The following MED12L variants were observed in gnomAD, a reference collection of about 807,000 sequenced individuals.
MED12L encodes the protein mediator of RNA polymerase II transcription subunit 12-like protein.
In MED12L, 60 loss-of-function variants were observed where a neutral mutation model predicts 281.3. The ratio of observed to expected loss-of-function variants is 0.21; its 90% CI spans 0.17 to 0.26. The LOEUF (loss-of-function observed/expected upper bound fraction) is 0.26, where lower values mean the gene tolerates loss of function less well. MED12L is among the 10% of genes least tolerant of loss of function. MED12L has a pLI of 1.00. For synonymous variants in MED12L, 974 were observed against 987.2 expected (o/e 0.99, Z 0.25); for missense variants, 2,146 against 2,680.9 (o/e 0.80, Z 4.41).
chr3:151,100,419 G>C (rs970103439), intron 2 of MED12L, among the ~76,000 whole-genome samples: 1 of 152,176 alleles, frequency 6.6e-6, no homozygotes, highest in Admixed American at 6.5e-5. Context: ...GACTATTTAA[G>C]GCATTGGCAG....
chr3:151,384,652 T>G, intron 35 of MED12L: 1 of 196,144 alleles, frequency 5.1e-6, no homozygotes, highest in South Asian at 1.2e-4. Context: ...AGAAACCAAA[T>G]AAATCTGATG....
intron 16 of MED12L, among the ~76,000 whole-genome samples, chr3:151,277,482 T>C (rs1212753413): frequency 6.6e-6 from 1 of 152,158 alleles, no homozygotes; most frequent in East Asian, 1.9e-4. Context: ...ATACAAACTA[T>C]TTATTTTTTT....
intron 38 of MED12L, among the ~76,000 whole-genome samples, chr3:151,392,973 C>T (rs1394909154): frequency 2.0e-5 from 3 of 152,242 alleles, no homozygotes; most frequent in African/African-American, 7.2e-5. Flanking sequence ...ATTCTTAACA[C>T]GTAATATATG....
chr3:151,399,130 T>C (rs1477300088), intron 39 of MED12L, among the ~76,000 whole-genome samples: 2 of 152,214 alleles, frequency 1.3e-5, no homozygotes, highest in Non-Finnish European at 2.9e-5. Context: ...TATCTTTCTG[T>C]GCCTCAGAGT....
Position 151,159,965 on chromosome 3 carries a change from C to T in MED12L, c.971C>T (p.Pro324Leu). Residue 324 changes from proline (P) to leucine (L), a missense_variant, in exon 8 of 45, where the codon CCA becomes CTA. Pro to Leu is a moderately conservative substitution (Grantham distance 98, BLOSUM62 -3). Around this residue, in one of 9 missense-constraint regions of MED12L, gnomAD observed 722 missense variants for 861.2 expected, o/e 0.84. Coordinates refer to ENST00000687756, the MANE Select transcript of MED12L (RefSeq NM_001393769.1). ...CACTCACCCCACATGATGATAGGACCAAACAACTCGAGTATCGGGGCCCCC... is the reference window on the plus strand; with the variant it reads ...CACTCACCCCACATGATGATAGGACTAAACAACTCGAGTATCGGGGCCCCC... Reference protein sequence around the residue: ...AAHSPHMMIGPNNSSIGAPSP... With the variant: ...AAHSPHMMIGLNNSSIGAPSP... The T allele has an allele frequency of 6.2e-7, 1 of 1,614,224 alleles. No individual in the cohort carries two copies. Among genetic ancestry groups the T allele is most frequent in the Non-Finnish European group, 8.5e-7 (1 of 1,180,044 alleles).
chr3:151,110,551 C>G (rs1711705116), intron 2 of MED12L, among the ~76,000 whole-genome samples: 1 of 152,192 alleles, frequency 6.6e-6, no homozygotes, highest in Non-Finnish European at 1.5e-5. Flanking sequence ...AATAGACCAT[C>G]AAGGTGCATT....
At chr3:151,198,308 G>T in intron 16 of MED12L, 1 of 739,694 alleles carries the variant, frequency 1.4e-6, no homozygotes, top group Non-Finnish European at 2.1e-6. Flanking sequence ...ATATTTGCTA[G>T]CTAACTGTAT....
intron 16 of MED12L, among the ~76,000 whole-genome samples, chr3:151,235,461 T>G (rs1173642377): frequency 1.3e-5 from 2 of 152,070 alleles, no homozygotes; most frequent in Admixed American, 1.3e-4. Context: ...ATCTCAACAC[T>G]TTGGGAGGCT....
chr3:151,235,909 C>T (rs1378075255), intron 16 of MED12L, among the ~76,000 whole-genome samples: 3 of 152,038 alleles, frequency 2.0e-5, no homozygotes, highest in Non-Finnish European at 4.4e-5. Context: ...TAGCCTCTTA[C>T]CACGTTTGTT....
chr3:151,093,322 G>A (rs954041655), intron 2 of MED12L, among the ~76,000 whole-genome samples: 4 of 152,120 alleles, frequency 2.6e-5, no homozygotes, highest in Non-Finnish European at 5.9e-5. Flanking sequence ...TGCAGATAAA[G>A]TGGCCCACCT....
intron 16 of MED12L, among the ~76,000 whole-genome samples, chr3:151,204,583 A>G (rs1726100784): frequency 6.6e-6 from 1 of 152,222 alleles, no homozygotes; most frequent in Non-Finnish European, 1.5e-5. Flanking sequence ...TAAGATATGT[A>G]TGCTTCAACA....
chr3:151,159,751 G>T, intron 7 of MED12L, 81 bp from the exon 8 acceptor site: 1 of 1,340,238 alleles, frequency 7.5e-7, no homozygotes, highest in South Asian at 1.5e-5. Flanking sequence ...TTTTTTAAAT[G>T]AAAAAAAGTC....
At chr3:151,088,933 GCAGA>G (rs972284321) in intron 2 of MED12L, among the ~76,000 whole-genome samples, 10 of 152,126 alleles carry the variant, frequency 6.6e-5, no homozygotes, top group African/African-American at 1.4e-4. Flanking sequence ...ACTCTCCCAA[GCAGA>G]CAGAGTTATG....
At chr3:151,372,908 A>G in intron 27 of MED12L, 142 bp downstream of exon 27, 1 of 620,130 alleles carries the variant, frequency 1.6e-6, no homozygotes, top group South Asian at 2.3e-5. Context: ...AGTTTGCTGA[A>G]AAGTTGCAAG....
chr3:151,217,792 T>A (rs548702419), intron 16 of MED12L, among the ~76,000 whole-genome samples: 25 of 152,268 alleles, frequency 1.6e-4, no homozygotes, highest in African/African-American at 5.1e-4. Flanking sequence ...GATTTTTTTT[T>A]AAAAGCAGTG....
chr3:151,111,597 G>A (rs1711906322), intron 2 of MED12L, among the ~76,000 whole-genome samples: 1 of 152,160 alleles, frequency 6.6e-6, no homozygotes, highest in South Asian at 2.1e-4. Context: ...GTGCCAGCGT[G>A]TATCCACCTG....
At chr3:151,218,880 A>T (rs1318072998) in intron 16 of MED12L, among the ~76,000 whole-genome samples, 1 of 89,534 alleles carries the variant, frequency 1.1e-5, no homozygotes, top group Non-Finnish European at 2.1e-5. Flanking sequence ...AAAAAAAAAA[A>T]AAAAAAAAAA....
rs553370011 is a variant in MED12L, at chr3:151,306,078, T to C, written c.2251-43981T>C. On this transcript the variant is annotated intron_variant, in intron 16 of 44. Transcript: ENST00000687756. ...TGCCGGGTCCTACAGTCAGTTGATT[T>C]GGCAATGATTATTCCGCTTATCATT... 2.4e-4 allele frequency among the ~76,000 whole-genome samples: 36 copies of C among 152,338 alleles called. No homozygotes were observed. In the South Asian group the frequency reaches 6.8e-3, roughly 29 times the overall value.
At chr3:151,205,857 C>T (rs1289606354) in intron 16 of MED12L, among the ~76,000 whole-genome samples, 1 of 152,120 alleles carries the variant, frequency 6.6e-6, no homozygotes, top group East Asian at 1.9e-4. Flanking sequence ...TTTGAATTTG[C>T]ATGCCATTGG....
Sources: allele counts gnomAD v4.1 joint callset (sites outside exome capture counted in the v4.1 genomes callset), GRCh38; gene constraint gnomAD v4.1.1; regional missense constraint gnomAD v4.1.1; transcripts MANE v1.5; gene names NCBI Gene and HGNC (gene_info 2026-07-23, HGNC 2026-07-21).